The following TENM3 variants were observed in gnomAD, a reference collection of about 807,000 sequenced individuals.
TENM3 encodes the protein teneurin transmembrane protein 3, also known as teneurin-3.
Under a neutral mutation model 255.1 loss-of-function variants are expected in TENM3, and 63 were observed. The observed-to-expected ratio is 0.25, with a 90% CI of 0.20 to 0.30. TENM3 has a LOEUF of 0.30. Among genes scored for constraint, TENM3 ranks in the 10% least tolerant of loss-of-function variants. The pLI, the probability that TENM3 is intolerant of heterozygous loss-of-function variation, is 1.00. For missense variants in TENM3, 2,929 were observed against 3,461.1 expected (o/e 0.85, Z 3.86); for synonymous variants, 1,306 against 1,322.3 (o/e 0.99, Z 0.27).
At chr4:181,546,379 T>G in the TENM3 span, among the ~76,000 whole-genome samples, 2 of 152,272 alleles carry the variant, frequency 1.3e-5, no homozygotes, top group South Asian at 2.1e-4. Flanking sequence ...TTAAACACAT[T>G]TATTATCACG....
At chr4:182,413,172 A>C (rs1770127463) in intron 3 of TENM3, among the ~76,000 whole-genome samples, 1 of 152,194 alleles carries the variant, frequency 6.6e-6, no homozygotes, top group Non-Finnish European at 1.5e-5. Flanking sequence ...CCAGTTACAC[A>C]GAGGAGAAGC....
At chr4:181,891,190 A>T in the TENM3 span, among the ~76,000 whole-genome samples, 2 of 152,220 alleles carry the variant, frequency 1.3e-5, no homozygotes, top group Non-Finnish European at 2.9e-5. Flanking sequence ...AAGCTCAAAA[A>T]CGTAAATTAG....
intron 1 of TENM3, among the ~76,000 whole-genome samples, chr4:182,255,399 G>A (rs1758323498): frequency 6.6e-6 from 1 of 152,158 alleles, no homozygotes; most frequent in African/African-American, 2.4e-5. Flanking sequence ...CTTATTGTAA[G>A]GTAACTAACC....
chr4:182,294,733 G>A (rs1233378066), intron 1 of TENM3, among the ~76,000 whole-genome samples: 1 of 152,204 alleles, frequency 6.6e-6, no homozygotes, highest in African/African-American at 2.4e-5. Context: ...AACGCCAAAT[G>A]TTATCACTTC....
intron 3 of TENM3, among the ~76,000 whole-genome samples, chr4:182,434,519 C>T (rs1196250105): frequency 1.3e-5 from 2 of 151,812 alleles, no homozygotes; most frequent in South Asian, 2.1e-4. Flanking sequence ...AAAAATTAGC[C>T]GAGCGTGATG....
rs1561153456 is a variant in TENM3, at chr4:182,161,795, A to ATATATATACACATATATATGTGTG, written c.-76+17062_-76+17063insGTGTATATATACACATATATATGT. 6.7e-5 allele frequency among the ~76,000 whole-genome samples: 3 copies of ATATATATACACATATATATGTGTG among 44,744 alleles called. 1 individual carries two copies. The East Asian group carries it at 1.5e-3, about 23-fold the overall frequency. The allele number at this position is 44,744 out of a possible 152,430, so 29.4% of individuals were successfully genotyped here. A position where few individuals can be genotyped will look rare whatever the true frequency, so the allele number is the denominator to read the frequency against. ...TATATATATATACACAAATATATGT[A>ATATATATACACATATATATGTGTG]TATATATACACATATATATGTATAT... On this transcript the variant is annotated intron_variant, in intron 1 of 2. Coordinates refer to the TENM3 transcript ENST00000512480.
the TENM3 span, among the ~76,000 whole-genome samples, chr4:181,590,830 A>G: frequency 1.3e-5 from 2 of 152,226 alleles, no homozygotes; most frequent in Non-Finnish European, 2.9e-5. Context: ...ACAAAACAGC[A>G]TCAATAATAA....
the TENM3 span, among the ~76,000 whole-genome samples, chr4:181,639,637 G>A: frequency 3.9e-5 from 6 of 152,236 alleles, no homozygotes; most frequent in African/African-American, 1.4e-4. Context: ...CTACTTGGGA[G>A]GCTGAGGCCG....
the TENM3 span, among the ~76,000 whole-genome samples, chr4:182,106,278 T>C: frequency 1.3e-5 from 2 of 152,168 alleles, no homozygotes; most frequent in Non-Finnish European, 1.5e-5. Context: ...CTGGGCAACA[T>C]GGCAAAACCC....
At chr4:181,705,612 A>G in the TENM3 span, among the ~76,000 whole-genome samples, 2 of 152,306 alleles carry the variant, frequency 1.3e-5, no homozygotes, top group African/African-American at 4.8e-5. Flanking sequence ...AAATCTATAC[A>G]TTTCTTTAGA....
chr4:182,545,726 G>A (rs1741373783), intron 3 of TENM3, among the ~76,000 whole-genome samples: 1 of 152,052 alleles, frequency 6.6e-6, no homozygotes, highest in Non-Finnish European at 1.5e-5. Context: ...TTAGATCTCA[G>A]CTTAATATAG....
At chr4:182,552,675 G>C (rs929324528) in intron 3 of TENM3, among the ~76,000 whole-genome samples, 3 of 152,142 alleles carry the variant, frequency 2.0e-5, no homozygotes, top group Non-Finnish European at 4.4e-5. Context: ...AGATGTAATG[G>C]ATGATGACCA....
chr4:182,182,559 T>C (rs1443817728), intron 1 of TENM3, among the ~76,000 whole-genome samples: 1 of 152,194 alleles, frequency 6.6e-6, no homozygotes, highest in African/African-American at 2.4e-5. Flanking sequence ...TATCAGGTTA[T>C]ATGCATCTCT....
At chr4:182,746,491 A>G (rs1474005036) in intron 19 of TENM3, among the ~76,000 whole-genome samples, 2 of 152,180 alleles carry the variant, frequency 1.3e-5, no homozygotes, top group Non-Finnish European at 2.9e-5. Flanking sequence ...TCATGGTGGT[A>G]ATCACGAGAG....
chr4:181,782,032 T>C, the TENM3 span, among the ~76,000 whole-genome samples: 2 of 152,228 alleles, frequency 1.3e-5, no homozygotes, highest in African/African-American at 2.4e-5. Context: ...AGTATTTTAT[T>C]GAGGATTTTT....
At chr4:182,023,830 C>T in the TENM3 span, among the ~76,000 whole-genome samples, 2 of 152,112 alleles carry the variant, frequency 1.3e-5, no homozygotes, top group Non-Finnish European at 2.9e-5. Context: ...TCCATTATAG[C>T]TGTAATCCAC....
At chr4:181,770,887 C>T in the TENM3 span, among the ~76,000 whole-genome samples, 204 of 152,272 alleles carry the variant, frequency 1.3e-3, no homozygotes, top group African/African-American at 4.7e-3. Flanking sequence ...GCCCCACACT[C>T]CGTTAACTCT....
At chr4:182,155,396 T>G (rs1283687739) in intron 1 of TENM3, among the ~76,000 whole-genome samples, 2 of 152,112 alleles carry the variant, frequency 1.3e-5, no homozygotes, top group African/African-American at 4.8e-5. Flanking sequence ...CTCTTTATAA[T>G]TGTCACATTT....
chr4:181,997,098 G>T, the TENM3 span, among the ~76,000 whole-genome samples: 1 of 152,178 alleles, frequency 6.6e-6, no homozygotes, highest in South Asian at 2.1e-4. Context: ...GACAACCTTA[G>T]AGATGAGTCA....
Sources: allele counts gnomAD v4.1 joint callset (sites outside exome capture counted in the v4.1 genomes callset), GRCh38; gene constraint gnomAD v4.1.1; transcripts MANE v1.5; gene names NCBI Gene and HGNC (gene_info 2026-07-23, HGNC 2026-07-21).